SHOC1: variants seen among roughly 807,000 people sequenced by gnomAD.
SHOC1 encodes protein shortage in chiasmata 1 ortholog.
In SHOC1, 136 loss-of-function variants were observed where a neutral mutation model predicts 179.2. The observed-to-expected ratio is 0.76, with a 90% CI of 0.66 to 0.87. The LOEUF (loss-of-function observed/expected upper bound fraction) is 0.87, where lower values mean the gene tolerates loss of function less well. SHOC1 is among the 40% of genes least tolerant of loss of function. SHOC1 has a pLI of 0.00. For synonymous variants in SHOC1, 489 were observed against 586.6 expected (o/e 0.83, Z 2.41); for missense variants, 1,538 against 1,700.8 (o/e 0.90, Z 1.68).
In SHOC1 at chr9:111,763,910, T is replaced by C. The variant is rs80169543; in HGVS notation, c.443-5062A>G. Among the ~76,000 whole-genome samples the C allele has an allele frequency of 2.0e-4, 31 of 152,134 alleles. 1 individual carries two copies. In the East Asian group the frequency reaches 4.2e-3, roughly 21 times the overall value. ...GATCAAGTTCTATGTACTAAATACA[T>C]AGAAAACAAAACAAAACAAAAAAAC... On this transcript the variant is annotated intron_variant, in intron 5 of 27. Coordinates refer to ENST00000682961, the MANE Select transcript of SHOC1 (RefSeq NM_001378211.1).
intron 12 of SHOC1, among the ~76,000 whole-genome samples, chr9:111,730,322 A>C (rs73543323): frequency 0.032 from 4,879 of 152,310 alleles, 281 homozygotes; most frequent in African/African-American, 0.11. Flanking sequence ...CTTTCTCAAA[A>C]GTATTTCAAT....
chr9:111,793,027 C>T (rs1053648299), intron 1 of SHOC1, among the ~76,000 whole-genome samples: 1 of 152,066 alleles, frequency 6.6e-6, no homozygotes, highest in East Asian at 1.9e-4. Flanking sequence ...GGACTATAGG[C>T]GCCCGCCAAC....
At chr9:111,757,495 C>T (rs1013136481) in intron 7 of SHOC1, among the ~76,000 whole-genome samples, 17 of 152,134 alleles carry the variant, frequency 1.1e-4, no homozygotes, top group African/African-American at 3.9e-4. Flanking sequence ...TTATTGCAAT[C>T]GCAATAGCTA....
At chr9:111,792,588 C>T (rs1041343166) in intron 1 of SHOC1, among the ~76,000 whole-genome samples, 13 of 152,040 alleles carry the variant, frequency 8.6e-5, no homozygotes, top group African/African-American at 3.1e-4. Context: ...GGCAACAGAG[C>T]CAGACTCTAT....
At chr9:111,755,424 C>T (rs1408615198) in intron 8 of SHOC1, among the ~76,000 whole-genome samples, 1 of 152,178 alleles carries the variant, frequency 6.6e-6, no homozygotes, top group Non-Finnish European at 1.5e-5. Flanking sequence ...CATCCCTGTT[C>T]TCAATGGATA....
intron 2 of SHOC1, among the ~76,000 whole-genome samples, chr9:111,791,023 A>G (rs903380791): frequency 2.0e-5 from 3 of 152,222 alleles, no homozygotes; most frequent in South Asian, 2.1e-4. Flanking sequence ...TATGATGCCA[A>G]TGGGTGGTGA....
intron 5 of SHOC1, among the ~76,000 whole-genome samples, chr9:111,773,286 A>G (rs1316519122): frequency 6.6e-6 from 1 of 152,100 alleles, no homozygotes; most frequent in Non-Finnish European, 1.5e-5. Flanking sequence ...CTATATGCAT[A>G]TGCAACTTTA....
At chr9:111,725,465 T>C (rs1833256096) in intron 13 of SHOC1, among the ~76,000 whole-genome samples, 1 of 152,042 alleles carries the variant, frequency 6.6e-6, no homozygotes, top group Non-Finnish European at 1.5e-5. Context: ...ACCCACCCAG[T>C]CCTAGGGTAT....
intron 4 of SHOC1, among the ~76,000 whole-genome samples, chr9:111,778,201 C>T (rs1835901226): frequency 6.6e-6 from 1 of 152,064 alleles, no homozygotes; most frequent in Admixed American, 6.5e-5. Flanking sequence ...TCCTCCTTTG[C>T]ATAACCTGTG....
intron 8 of SHOC1, among the ~76,000 whole-genome samples, chr9:111,756,087 A>C (rs1834844288): frequency 1.3e-5 from 2 of 151,988 alleles, no homozygotes; most frequent in Admixed American, 1.3e-4. Context: ...TTGCCATTGC[A>C]CTCCAGCCTG....
rs956205799 is a variant in SHOC1, at chr9:111,702,093, A to T, written c.3089+12T>A. The stretch of plus-strand genomic sequence containing the variant: ...TACGAACATAACTTTGGATGAAGAA[A>T]TGTTTACCTACTCTGAATTTAATGT... On this transcript the variant is annotated intron_variant, in intron 23 of 27. Coordinates refer to ENST00000682961, the MANE Select transcript of SHOC1 (RefSeq NM_001378211.1). The T allele has an allele frequency of 1.4e-6, 2 of 1,462,240 alleles. No individual in the cohort carries two copies. The highest frequency in any genetic ancestry group is 2.9e-5 in the African/African-American group (2 of 69,162). The allele number at this position is 1,462,240 out of a possible 1,614,324, so 90.6% of individuals were successfully genotyped here. A position where few individuals can be genotyped will look rare whatever the true frequency, so the allele number is the denominator to read the frequency against.
intron 27 of SHOC1, among the ~76,000 whole-genome samples, chr9:111,688,820 T>C (rs778026954): frequency 6.4e-4 from 60 of 93,144 alleles, no homozygotes; most frequent in Non-Finnish European, 9.8e-4. Flanking sequence ...CTTTTAAGTT[T>C]TCCCTCATAG....
At chr9:111,778,103 GAT>G (rs1835898548) in intron 4 of SHOC1, among the ~76,000 whole-genome samples, 2 of 152,202 alleles carry the variant, frequency 1.3e-5, no homozygotes, top group African/African-American at 4.8e-5. Context: ...TCTTTCTGTA[GAT>G]ATACAAGATC....
intron 5 of SHOC1, among the ~76,000 whole-genome samples, chr9:111,764,024 A>T (rs1835252274): frequency 6.6e-6 from 1 of 152,194 alleles, no homozygotes; most frequent in Non-Finnish European, 1.5e-5. Context: ...AAAATACTAT[A>T]TTGAATGGAA....
chr9:111,793,185 C>A (rs1836507846), intron 1 of SHOC1, among the ~76,000 whole-genome samples: 1 of 152,114 alleles, frequency 6.6e-6, no homozygotes. Flanking sequence ...CCCGGCCTGT[C>A]ACTGATCTTT....
At chr9:111,712,900 A>G (rs1414219623) in intron 18 of SHOC1, among the ~76,000 whole-genome samples, 200 bp downstream of exon 18, 1 of 152,216 alleles carries the variant, frequency 6.6e-6, no homozygotes, top group Non-Finnish European at 1.5e-5. Context: ...ACATATAAAC[A>G]CCTTGTAGTG....
intron 7 of SHOC1, 23 bp downstream of exon 7, chr9:111,758,061 T>C (rs1259843217): frequency 8.1e-7 from 1 of 1,235,582 alleles, no homozygotes; most frequent in East Asian, 2.4e-5. Flanking sequence ...TACTAAAATA[T>C]TATTGAAAGC....
In SHOC1 at chr9:111,692,008, A is replaced by G; in HGVS notation, c.3969T>C (p.Phe1323=). 1 of 1,613,184 alleles carries G rather than the reference A, an allele frequency of 6.2e-7. No homozygotes were observed. Among genetic ancestry groups the G allele is most frequent in the East Asian group, 2.2e-5 (1 of 44,858 alleles). Residue 1323 remains phenylalanine, a synonymous_variant, in exon 27 of 28, where the codon TTT becomes TTC. Coordinates refer to ENST00000682961, the MANE Select transcript of SHOC1 (RefSeq NM_001378211.1). ...TQKRVSVVPR[F]INSQKRRTHE... The stretch of plus-strand genomic sequence containing the variant: ...GTGTTCTCCTTTTCTGAGAATTTAT[A>G]AAACGGGGGACAACTGACACTCTCT...
At chr9:111,776,049 C>G in intron 4 of SHOC1, 74 bp from the exon 5 acceptor site, 2 of 1,116,744 alleles carry the variant, frequency 1.8e-6, no homozygotes. Context: ...TAATATATGT[C>G]CACTGTGGAA....
Sources: gnomAD v4.1 joint callset for allele counts (sites outside exome capture counted in the v4.1 genomes callset) on GRCh38, gnomAD v4.1.1 for gene constraint, MANE v1.5 for transcripts, NCBI Gene and HGNC (gene_info 2026-07-23, HGNC 2026-07-21) for gene names.